Variants in RUVBL1 observed in about 807,000 individuals in gnomAD.
The protein encoded by RUVBL1 is ruvB-like 1.
Under a neutral mutation model 52.4 loss-of-function variants are expected in RUVBL1, and 4 were observed. The observed-to-expected ratio is 0.08, with a 90% CI of 0.04 to 0.17. RUVBL1 has a LOEUF of 0.17. RUVBL1 is among the 10% of genes least tolerant of loss of function. RUVBL1 has a pLI of 1.00. For missense variants in RUVBL1, 298 were observed against 572.8 expected (o/e 0.52, Z 4.90); for synonymous variants, 217 against 214.4 (o/e 1.01, Z -0.10).
intron 9 of RUVBL1, among the ~76,000 whole-genome samples, chr3:128,074,131 T>A (rs1942243542): frequency 6.6e-6 from 1 of 152,214 alleles, no homozygotes; most frequent in Admixed American, 6.5e-5. Flanking sequence ...GATGAAAATA[T>A]ATGCCTATAC....
At chr3:128,147,236 A>C (rs922111292) in intron 1 of RUVBL1, among the ~76,000 whole-genome samples, 1 of 152,006 alleles carries the variant, frequency 6.6e-6, no homozygotes, top group Non-Finnish European at 1.5e-5. Flanking sequence ...TACCTGGCTA[A>C]TTTTTGTGTT....
chr3:128,075,528 GCATGCACGGGGGGA>G (rs1942288460), intron 9 of RUVBL1, among the ~76,000 whole-genome samples: 1 of 152,048 alleles, frequency 6.6e-6, no homozygotes, highest in South Asian at 2.1e-4. Context: ...CTCCTTCCCC[GCATGCACGGGGGGA>G]CACACGCCTT....
At chr3:128,102,067 T>C (rs889737261) in intron 4 of RUVBL1, among the ~76,000 whole-genome samples, 3 of 152,210 alleles carry the variant, frequency 2.0e-5, no homozygotes, top group Non-Finnish European at 4.4e-5. Context: ...GAAATCATCA[T>C]CCCTACTTCA....
At position 128,113,002 on chromosome 3, in the gene RUVBL1, T is replaced by C. The variant is rs200354703; in HGVS notation, c.247A>G (p.Ile83Val). ...GTGKTALALA[I>V]AQELGSKVPF... Reference sequence around the variant, plus strand: ...ACCTTACTACCCAGCTCCTGAGCAATAGCCAGAGCCAGAGCTGTCTACAAA... The same window carrying C: ...ACCTTACTACCCAGCTCCTGAGCAACAGCCAGAGCCAGAGCTGTCTACAAA... Residue 83 changes from isoleucine to valine, a missense_variant, in exon 3 of 11, where the codon ATT (isoleucine) becomes GTT (valine). Transcript: ENST00000322623. The C allele has an allele frequency of 3.0e-5, 48 of 1,614,074 alleles. No homozygotes were observed. The Middle Eastern group carries it at 1.2e-3, about 39-fold the overall frequency.
Position 128,123,775 on chromosome 3 carries a change from A to C in RUVBL1, c.-51T>G, listed in dbSNP as rs1344016124. 2.6e-6 allele frequency: 4 copies of C among 1,537,450 alleles called. No homozygotes were observed. The highest frequency in any genetic ancestry group is 3.5e-6 in the Non-Finnish European group (4 of 1,133,924). On this transcript the variant is annotated 5_prime_UTR_variant, in exon 1 of 11. Transcript: ENST00000322623. Reference sequence around the variant, plus strand: ...AGCGTGGAAAACCAGCAGCTAGGACAGTGCGCCCGGCGCCTGAGTTACCAT... The same window carrying C: ...AGCGTGGAAAACCAGCAGCTAGGACCGTGCGCCCGGCGCCTGAGTTACCAT...
At chr3:128,144,904 C>G (rs983255389) in intron 1 of RUVBL1, among the ~76,000 whole-genome samples, 1 of 152,200 alleles carries the variant, frequency 6.6e-6, no homozygotes, top group Admixed American at 6.5e-5. Context: ...CTGGATTTCT[C>G]TCTTGGTGCA....
intron 9 of RUVBL1, chr3:128,069,440 T>G: frequency 1.9e-6 from 3 of 1,594,164 alleles, no homozygotes; most frequent in Non-Finnish European, 2.6e-6. Flanking sequence ...GGGAGCTCTG[T>G]GGGTGTCCAG....
intron 1 of RUVBL1, 130 bp downstream of exon 1, chr3:128,123,454 C>T: frequency 8.3e-7 from 1 of 1,200,256 alleles, no homozygotes; most frequent in Non-Finnish European, 1.1e-6. Context: ...GGCCCATTTT[C>T]ACTTCCCTGA....
intron 1 of RUVBL1, among the ~76,000 whole-genome samples, 153 bp from the exon 2 acceptor site, chr3:128,119,567 C>T (rs935572899): frequency 1.3e-5 from 2 of 152,178 alleles, no homozygotes; most frequent in Non-Finnish European, 2.9e-5. Context: ...CCGAGGGTAA[C>T]GAAGGCAAGG....
intron 1 of RUVBL1, among the ~76,000 whole-genome samples, chr3:128,150,040 C>T (rs890165717): frequency 2.0e-5 from 3 of 152,100 alleles, no homozygotes; most frequent in African/African-American, 4.8e-5. Context: ...CTGTGCAGCA[C>T]GTTCTTTCAT....
chr3:128,131,380 G>A (rs1324782642), intron 1 of RUVBL1, among the ~76,000 whole-genome samples: 1 of 152,176 alleles, frequency 6.6e-6, no homozygotes, highest in Non-Finnish European at 1.5e-5. Flanking sequence ...TTGGGAGGCT[G>A]AGGCAGAGAA....
chr3:128,068,134 T>C (rs2107652713), intron 9 of RUVBL1: 1 of 1,117,238 alleles, frequency 9.0e-7, no homozygotes, highest in South Asian at 1.2e-5. Flanking sequence ...GGCATCCTGA[T>C]AGGCCCTAGC....
chr3:128,069,656 C>T (rs1361483680), intron 9 of RUVBL1: 1 of 1,613,960 alleles, frequency 6.2e-7, no homozygotes, highest in Non-Finnish European at 8.5e-7. Flanking sequence ...GGGCCCTGCT[C>T]TTCTGAGCCC....
chr3:128,072,374 C>T (rs1370976635), intron 9 of RUVBL1, among the ~76,000 whole-genome samples: 2 of 152,222 alleles, frequency 1.3e-5, no homozygotes, highest in African/African-American at 2.4e-5. Context: ...TGTGGGAGGT[C>T]GTTACTCCTT....
intron 1 of RUVBL1, among the ~76,000 whole-genome samples, chr3:128,122,255 G>A (rs66987356): frequency 0.13 from 20,111 of 152,260 alleles, 1,441 homozygotes; most frequent in South Asian, 0.18. Flanking sequence ...GGGTGTAGGG[G>A]TAAAGTGTAG....
At chr3:128,088,230 C>T (rs1576445789) in intron 8 of RUVBL1, among the ~76,000 whole-genome samples, 2 of 151,098 alleles carry the variant, frequency 1.3e-5, no homozygotes, top group East Asian at 3.9e-4. Context: ...CCACTGCACT[C>T]CACCCTGGGT....
chr3:128,086,501 T>G (rs1244716880), intron 9 of RUVBL1, among the ~76,000 whole-genome samples: 2 of 152,152 alleles, frequency 1.3e-5, no homozygotes, highest in Non-Finnish European at 2.9e-5. Flanking sequence ...TCTCCAACCA[T>G]GGCTGCATGC....
At chr3:128,084,433 G>A (rs1196695937) in intron 9 of RUVBL1, 1 of 152,172 alleles carries the variant, frequency 6.6e-6, no homozygotes, top group Non-Finnish European at 1.5e-5. Context: ...ACCAGGTCTT[G>A]CCAAGAAAAA....
In RUVBL1 at chr3:128,068,067, G is replaced by T. The variant is rs557238019; in HGVS notation, c.940-2847C>A. Reference sequence around the variant, plus strand: ...GGTCCATGAACTCAACCGGTGAGTGGTGGCCCCAGGTCCCCAACCTCCCGT... The same window carrying T: ...GGTCCATGAACTCAACCGGTGAGTGTTGGCCCCAGGTCCCCAACCTCCCGT... On this transcript the variant is annotated intron_variant, in intron 9 of 9. Transcript: ENST00000464873. 1.4e-5 allele frequency: 22 copies of T among 1,611,854 alleles called. No homozygotes were observed. The East Asian group carries it at 4.2e-4, about 31-fold the overall frequency.
Sources: allele counts gnomAD v4.1 joint callset (sites outside exome capture counted in the v4.1 genomes callset), GRCh38; gene constraint gnomAD v4.1.1; transcripts MANE v1.5; gene names NCBI Gene and HGNC (gene_info 2026-07-23, HGNC 2026-07-21).